Variants in ARSB observed in about 807,000 individuals in gnomAD.
ARSB encodes N-acetylgalactosamine-4-sulfatase.
Under a neutral mutation model 50.9 loss-of-function variants are expected in ARSB, and 41 were observed. That is an observed-to-expected ratio of 0.81 (90% CI 0.63 to 1.04). The LOEUF (loss-of-function observed/expected upper bound fraction) is 1.04. Among genes scored for constraint, ARSB ranks in the 50% least tolerant of loss-of-function variants. The pLI, the probability that ARSB is intolerant of heterozygous loss-of-function variation, is 0.00. For missense variants in ARSB, 672 were observed against 693.3 expected (o/e 0.97, Z 0.35); for synonymous variants, 269 against 284.8 (o/e 0.94, Z 0.56).
At chr5:78,955,784 A>G (rs963918971) in intron 3 of ARSB, among the ~76,000 whole-genome samples, 7 of 152,258 alleles carry the variant, frequency 4.6e-5, no homozygotes, top group Admixed American at 3.3e-4. Flanking sequence ...ATGTAAAGAC[A>G]GTCAACATCA....
At chr5:78,927,527 T>C (rs879925036) in intron 4 of ARSB, among the ~76,000 whole-genome samples, 2 of 152,198 alleles carry the variant, frequency 1.3e-5, no homozygotes, top group Admixed American at 1.3e-4. Context: ...TCTATAACAC[T>C]GGGCAGTTTG....
chr5:78,833,696 G>T (rs1744795866), intron 6 of ARSB, among the ~76,000 whole-genome samples: 1 of 152,218 alleles, frequency 6.6e-6, no homozygotes, highest in Non-Finnish European at 1.5e-5. Context: ...CAGAGCCCCA[G>T]ACTCAGAGGG....
intron 4 of ARSB, among the ~76,000 whole-genome samples, chr5:78,926,471 C>A (rs1249397410): frequency 6.6e-6 from 1 of 152,122 alleles, no homozygotes; most frequent in Admixed American, 6.5e-5. Flanking sequence ...ACATTCCAAC[C>A]CCAGTCTTAT....
In ARSB at chr5:78,969,001, A is replaced by G. The variant is rs754513492; in HGVS notation, c.499+5T>C. ...TTGTTAAAGAAACATGTGCATTTCCATTACCAAAGTAGGTATCAAATCCTC... is the reference window on the plus strand; with the variant it reads ...TTGTTAAAGAAACATGTGCATTTCCGTTACCAAAGTAGGTATCAAATCCTC... On this transcript the variant is annotated splice_donor_5th_base_variant and intron_variant, in intron 2 of 7. Coordinates refer to ENST00000264914, the MANE Select transcript of ARSB (RefSeq NM_000046.5). The G allele has an allele frequency of 1.9e-6, 3 of 1,614,128 alleles. No individual in the cohort carries two copies. Among genetic ancestry groups the G allele is most frequent in the Admixed American group, 3.3e-5 (2 of 60,028 alleles).
At chr5:78,950,101 G>C (rs899115010) in intron 4 of ARSB, among the ~76,000 whole-genome samples, 13 of 152,170 alleles carry the variant, frequency 8.5e-5, no homozygotes, top group African/African-American at 3.1e-4. Flanking sequence ...GCAGGTTCCT[G>C]GAATTTAGCA....
At chr5:78,951,400 A>G (rs1751489987) in intron 4 of ARSB, among the ~76,000 whole-genome samples, 2 of 152,132 alleles carry the variant, frequency 1.3e-5, no homozygotes, top group African/African-American at 4.8e-5. Flanking sequence ...CAAAAAAACT[A>G]AAAATACAAT....
rs887343928 is a variant in ARSB at position 78,985,242 on chromosome 5, G to C, written c.7C>G (p.Pro3Ala). MG[P>A]RGAASLPRGP... ...CGGGGCAAGCTCGCCGCGCCGCGCG[G>C]ACCCATCCTTGTCCGCCCGCGGTCC... Residue 3 changes from proline to alanine, a missense_variant, in exon 1 of 8, where the codon CCG becomes GCG. Coordinates refer to ENST00000264914, the MANE Select transcript of ARSB (RefSeq NM_000046.5). The C allele has an allele frequency of 1.5e-6, 2 of 1,320,490 alleles. No individual in the cohort carries two copies. The highest frequency in any genetic ancestry group is 1.9e-6 in the Non-Finnish European group (2 of 1,041,818). 81.8% of individuals were successfully genotyped at this position (1,320,490 alleles called of 1,614,324 possible).
intron 4 of ARSB, among the ~76,000 whole-genome samples, chr5:78,926,142 C>T (rs1750036529): frequency 6.6e-6 from 1 of 152,036 alleles, no homozygotes; most frequent in East Asian, 1.9e-4. Context: ...TCCCACAATC[C>T]TATTTGTTGT....
intron 5 of ARSB, among the ~76,000 whole-genome samples, chr5:78,849,616 A>T (rs1745648137): frequency 6.6e-6 from 1 of 151,710 alleles, no homozygotes; most frequent in African/African-American, 2.4e-5. Context: ...TGGTAGCTTG[A>T]TGGGGATGGC....
chr5:78,883,364 T>G (rs1747857375), intron 5 of ARSB: 1 of 152,224 alleles, frequency 6.6e-6, no homozygotes, highest in Non-Finnish European at 1.5e-5. Flanking sequence ...TAGAGTGTTC[T>G]TGAAATGACA....
At chr5:78,790,034 G>C (rs934301989) in intron 6 of ARSB, among the ~76,000 whole-genome samples, 2 of 152,258 alleles carry the variant, frequency 1.3e-5, no homozygotes, top group African/African-American at 2.4e-5. Flanking sequence ...GGAGGGTCTA[G>C]AGGCATTTCC....
intron 5 of ARSB, among the ~76,000 whole-genome samples, chr5:78,880,164 G>A (rs1192554828): frequency 6.6e-6 from 1 of 152,174 alleles, no homozygotes; most frequent in Non-Finnish European, 1.5e-5. Context: ...GCAATTTGGA[G>A]CTAAGAGTGA....
At chr5:78,891,675 G>A (rs1458581370) in intron 4 of ARSB, among the ~76,000 whole-genome samples, 1 of 152,192 alleles carries the variant, frequency 6.6e-6, no homozygotes, top group Non-Finnish European at 1.5e-5. Flanking sequence ...CCAGAGAGAT[G>A]AGAGCCCAGG....
At chr5:78,816,899 C>G (rs1298937162) in intron 6 of ARSB, 2 of 166,782 alleles carry the variant, frequency 1.2e-5, no homozygotes, top group African/African-American at 4.8e-5. Flanking sequence ...AGGTAAGAGC[C>G]CAACCTGACT....
intron 6 of ARSB, among the ~76,000 whole-genome samples, chr5:78,837,881 C>G (rs956106568): frequency 2.0e-5 from 3 of 152,094 alleles, no homozygotes; most frequent in Non-Finnish European, 4.4e-5. Context: ...TTGCCCTTGC[C>G]TCTCTCACTG....
intron 5 of ARSB, among the ~76,000 whole-genome samples, chr5:78,872,259 G>A (rs923198814): frequency 2.6e-5 from 4 of 151,596 alleles, no homozygotes; most frequent in East Asian, 1.9e-4. Context: ...TCAGTGTGGC[G>A]ATTCCTCAGG....
At chr5:78,848,389 T>G (rs1387907174) in intron 5 of ARSB, among the ~76,000 whole-genome samples, 1 of 146,512 alleles carries the variant, frequency 6.8e-6, no homozygotes, top group African/African-American at 2.6e-5. Context: ...ACAAAGGACA[T>G]GAACTCATCA....
At chr5:78,785,838 T>A (rs1472928388) in intron 6 of ARSB, among the ~76,000 whole-genome samples, 2 of 152,222 alleles carry the variant, frequency 1.3e-5, no homozygotes, top group East Asian at 3.8e-4. Context: ...GGGCCCGATC[T>A]AATGACATGA....
chr5:78,954,263 T>G (rs1751614873), intron 4 of ARSB, among the ~76,000 whole-genome samples: 1 of 152,134 alleles, frequency 6.6e-6, no homozygotes, highest in Non-Finnish European at 1.5e-5. Context: ...ATTTTCAGAT[T>G]GAAAGTGCTC....
Sources: allele counts gnomAD v4.1 joint callset (sites outside exome capture counted in the v4.1 genomes callset), GRCh38; gene constraint gnomAD v4.1.1; transcripts MANE v1.5; gene names NCBI Gene and HGNC (gene_info 2026-07-23, HGNC 2026-07-21).